IFNAR1: variants seen among roughly 807,000 people sequenced by gnomAD.
The protein encoded by IFNAR1 is interferon alpha/beta receptor 1.
A neutral mutation model predicts 62.1 loss-of-function variants in IFNAR1; 47 were observed. The observed-to-expected ratio is 0.76, with a 90% CI of 0.60 to 0.97. The LOEUF is 0.97. IFNAR1 is among the 50% of genes least tolerant of loss of function. The pLI is 0.00. For synonymous variants in IFNAR1, 219 were observed against 226.9 expected (o/e 0.97, Z 0.31); for missense variants, 638 against 654.5 (o/e 0.97, Z 0.27).
intron 1 of IFNAR1, among the ~76,000 whole-genome samples, 180 bp from the exon 2 acceptor site, chr21:33,335,344 G>C (rs2123667949): frequency 6.6e-6 from 1 of 152,328 alleles, no homozygotes; most frequent in East Asian, 1.9e-4. Flanking sequence ...CTCAGATGCA[G>C]AAATGTAATT....
At chr21:33,337,648 CATACTGTATAT>C (rs1460611274) in intron 2 of IFNAR1, among the ~76,000 whole-genome samples, 1 of 61,600 alleles carries the variant, frequency 1.6e-5, no homozygotes, top group Admixed American at 1.6e-4. Flanking sequence ...TATATATATA[CATACTGTATAT>C]ATACATTACA....
At chr21:33,345,222 T>C (rs770004020) in intron 5 of IFNAR1, 24 bp from the exon 6 acceptor site, 2 of 1,158,982 alleles carry the variant, frequency 1.7e-6, no homozygotes, top group Non-Finnish European at 2.6e-6. Context: ...GTGTGCTTTT[T>C]TTTATCTGTT....
At position 33,352,751 on chromosome 21, in the gene IFNAR1, T is replaced by C; in HGVS notation, c.1144-7T>C. On this transcript the variant is annotated splice_region_variant and splice_polypyrimidine_tract_variant and intron_variant, in intron 8 of 10. Transcript: ENST00000270139. ...AATTTTATCAGTGATTTAATTATATTTTCTAGAGAAAAATTATCGAGAAAA... is the reference window on the plus strand; with the variant it reads ...AATTTTATCAGTGATTTAATTATATCTTCTAGAGAAAAATTATCGAGAAAA... The C allele has an allele frequency of 6.9e-7, 1 of 1,439,022 alleles. No homozygotes were observed. The highest frequency in any genetic ancestry group is 9.6e-7 in the Non-Finnish European group (1 of 1,045,998). The allele number at this position is 1,439,022 out of a possible 1,614,324, so 89.1% of individuals were successfully genotyped here. A position where few individuals can be genotyped will look rare whatever the true frequency, so the allele number is the denominator to read the frequency against.
rs1313811971 is a variant in IFNAR1 at position 33,349,398 on chromosome 21, T to C, written c.998T>C (p.Leu333Pro). The change falls in exon 8 of 11, where the codon CTT (leucine) becomes CCT (proline). Residue 333 changes from leucine to proline, a missense_variant. By Grantham distance (98) the Leu-to-Pro change is moderately conservative. Coordinates refer to ENST00000270139, the MANE Select transcript of IFNAR1 (RefSeq NM_000629.3). ...KFDTEIQAFL[L>P]PPVFNIRSLS... is the part of the protein sequence containing the mutation. ...TACAAATTTTTTCTAGCTTTCCTACTTCCTCCAGTCTTTAACATTAGATCC... is the reference window on the plus strand; with the variant it reads ...TACAAATTTTTTCTAGCTTTCCTACCTCCTCCAGTCTTTAACATTAGATCC... 2 of 1,587,690 alleles carry C rather than the reference T, an allele frequency of 1.3e-6. No homozygotes were observed. The highest frequency in any genetic ancestry group is 1.7e-6 in the Non-Finnish European group (2 of 1,170,934).
intron 6 of IFNAR1, among the ~76,000 whole-genome samples, chr21:33,347,928 C>T (rs2083364669): frequency 1.3e-5 from 2 of 152,300 alleles, no homozygotes; most frequent in African/African-American, 4.8e-5. Context: ...CAACCTCAGG[C>T]TGTCCTGTAG....
intron 2 of IFNAR1, among the ~76,000 whole-genome samples, chr21:33,338,523 C>T (rs1253693231): frequency 1.2e-5 from 1 of 86,052 alleles, no homozygotes; most frequent in Non-Finnish European, 2.1e-5. Context: ...GACAGCAAGA[C>T]TTCATCTCAA....
In IFNAR1 at chr21:33,345,322, T is replaced by C. The variant is rs34849215; in HGVS notation, c.750T>C (p.Tyr250=). The C allele has an allele frequency of 2.5e-6, 4 of 1,604,030 alleles. No individual in the cohort carries two copies. The highest frequency in any genetic ancestry group is 3.4e-6 in the Non-Finnish European group (4 of 1,171,286). ...QNQNYVLKWD[Y]TYANMTFQVQ... is the part of the protein sequence containing the mutation. Reference sequence around the variant, plus strand: ...AGAACTATGTTCTTAAATGGGATTATACATATGCAAACATGACCTTTCAAG... The same window carrying C: ...AGAACTATGTTCTTAAATGGGATTACACATATGCAAACATGACCTTTCAAG... The change falls in exon 6 of 11, where the codon TAT becomes TAC. Residue 250 remains tyrosine, a synonymous_variant. Transcript: ENST00000270139.
chr21:33,355,431 A>T lies in IFNAR1; in HGVS notation c.1556A>T (p.Gln519Leu). The stretch of plus-strand genomic sequence containing the variant: ...ATTGCTACAGTAGAAGAAACTAATC[A>T]AACTGATGAAGATCATAAAAAATAC... ...STIATVEETN[Q>L]TDEDHKKYSS... The change falls in exon 11 of 11, where the codon CAA becomes CTA. Residue 519 changes from glutamine to leucine, a missense_variant. Coordinates refer to ENST00000270139, the MANE Select transcript of IFNAR1 (RefSeq NM_000629.3). 1.3e-6 allele frequency: 2 copies of T among 1,597,092 alleles called. No homozygotes were observed. Among genetic ancestry groups the T allele is most frequent in the Non-Finnish European group, 1.7e-6 (2 of 1,167,212 alleles).
intron 3 of IFNAR1, among the ~76,000 whole-genome samples, chr21:33,342,798 A>G (rs2083306151): frequency 6.6e-6 from 1 of 151,084 alleles, no homozygotes; most frequent in South Asian, 2.1e-4. Context: ...CGGAGCTTGC[A>G]GTGAGCCGAG....
At chr21:33,338,376 T>C (rs1222290954) in intron 2 of IFNAR1, among the ~76,000 whole-genome samples, 1 of 118 alleles carries the variant, frequency 8.5e-3, no homozygotes, top group Admixed American at 0.1. Flanking sequence ...CTACTAAAAA[T>C]ACAAAAACTT....
chr21:33,347,579 TA>T (rs2083361743), intron 6 of IFNAR1, among the ~76,000 whole-genome samples: 1 of 152,156 alleles, frequency 6.6e-6, no homozygotes, highest in Non-Finnish European at 1.5e-5. Flanking sequence ...GATCCTCTTT[TA>T]AGGGGTTCAT....
chr21:33,334,032 C>G (rs951098161), intron 1 of IFNAR1, among the ~76,000 whole-genome samples: 6 of 152,086 alleles, frequency 3.9e-5, no homozygotes, highest in Non-Finnish European at 8.8e-5. Flanking sequence ...AATTGCTATA[C>G]TTATGTCAGA....
Position 33,355,504 on chromosome 21 carries a change from A to C in IFNAR1, c.1629A>C (p.Glu543Asp). The C allele has an allele frequency of 1.2e-6, 2 of 1,603,120 alleles. No individual in the cohort carries two copies. Among genetic ancestry groups the C allele is most frequent in the Non-Finnish European group, 1.7e-6 (2 of 1,176,598 alleles). The change falls in exon 11 of 11, where the codon GAA (glutamate) becomes GAC (aspartate). Residue 543 changes from glutamate (E) to aspartate (D), a missense_variant. Transcript: ENST00000270139. ...QDSGNYSNED[E>D]SESKTSEELQ... ...CAGGAAATTATTCTAATGAAGATGA[A>C]AGCGAAAGTAAAACAAGTGAAGAAC...
chr21:33,355,019 C>T (rs1208560784), intron 10 of IFNAR1, among the ~76,000 whole-genome samples: 5 of 151,842 alleles, frequency 3.3e-5, no homozygotes, highest in Admixed American at 6.6e-5. Context: ...TCCCAGAGTC[C>T]GCCCGCTCCT....
intron 1 of IFNAR1, among the ~76,000 whole-genome samples, chr21:33,328,807 C>G (rs1331631328): frequency 1.3e-5 from 2 of 151,828 alleles, no homozygotes; most frequent in Non-Finnish European, 2.9e-5. Flanking sequence ...TTGAAAGCAA[C>G]CAAAATTATA....
At chr21:33,348,530 G>A (rs1359581719) in intron 6 of IFNAR1, among the ~76,000 whole-genome samples, 3 of 152,074 alleles carry the variant, frequency 2.0e-5, no homozygotes, top group Non-Finnish European at 4.4e-5. Context: ...TTTTAGTAAT[G>A]GTTTTTCTTT....
intron 1 of IFNAR1, chr21:33,334,731 G>A (rs992043331): frequency 1.5e-5 from 12 of 803,170 alleles, no homozygotes; most frequent in East Asian, 5.4e-5. Flanking sequence ...CAAGTGATGC[G>A]CAGGGTGATC....
rs1313613017 is a variant in IFNAR1, at chr21:33,346,006, G to A, written c.788+646G>A. ...GGCTGAGGCAGGAGGATTACTTGAG[G>A]CCAGGAATTGAGGCTGCAGTGTTGT... On this transcript the variant is annotated intron_variant, in intron 6 of 10. Coordinates refer to ENST00000270139, the MANE Select transcript of IFNAR1 (RefSeq NM_000629.3). 7.2e-5 allele frequency among the ~76,000 whole-genome samples: 11 copies of A among 152,304 alleles called. No individual in the cohort carries two copies. The East Asian group carries it at 2.1e-3, about 29-fold the overall frequency.
In IFNAR1 at chr21:33,352,610, AC is replaced by A. The variant is rs540950090; in HGVS notation, c.1144-147del. The A allele has an allele frequency of 4.3e-4, 200 of 462,380 alleles. No homozygotes were observed. In the African/African-American group the frequency reaches 4.8e-3, roughly 11 times the overall value. 28.6% of individuals were successfully genotyped at this position (462,380 alleles called of 1,614,324 possible). A position where few individuals can be genotyped will look rare whatever the true frequency, so the allele number is the denominator to read the frequency against. On this transcript the variant is annotated intron_variant, in intron 8 of 10. Transcript: ENST00000270139. ...AGAGCGAGACTGTCTCACAAAAAAA[AC>A]AAAACAAAACAAAACAAAACAAAAA...
Sources: gnomAD v4.1 joint callset for allele counts (sites outside exome capture counted in the v4.1 genomes callset) on GRCh38, gnomAD v4.1.1 for gene constraint, MANE v1.5 for transcripts, NCBI Gene and HGNC (gene_info 2026-07-23, HGNC 2026-07-21) for gene names.